TMEM184B: variants seen among roughly 807,000 people sequenced by gnomAD.
The protein encoded by TMEM184B is transmembrane protein 184B.
TMEM184B carries 17 observed loss-of-function variants against 41.8 expected under a neutral mutation model. The ratio of observed to expected loss-of-function variants is 0.41; its 90% confidence interval spans 0.28 to 0.61. The LOEUF (loss-of-function observed/expected upper bound fraction) is 0.61. Ranked by LOEUF, TMEM184B falls within the 20% of genes least tolerant of loss-of-function variation. TMEM184B has a pLI of 0.34. For missense variants in TMEM184B, 393 were observed against 557.8 expected, an observed-to-expected ratio of 0.70 and a Z score of 2.98; for synonymous variants, 240 against 229.5, an observed-to-expected ratio of 1.05 and a Z score of -0.41.
chr22:38,225,073 A>T lies in TMEM184B; in HGVS notation c.788-94T>A. The T allele has an allele frequency of 4.4e-6, 6 of 1,371,662 alleles. No individual in the cohort carries two copies. The highest frequency in any genetic ancestry group is 5.8e-6 in the Non-Finnish European group (6 of 1,027,834). The allele number at this position is 1,371,662 out of a possible 1,614,324, so 85.0% of individuals were successfully genotyped here. A position where few individuals can be genotyped will look rare whatever the true frequency, so the allele number is the denominator to read the frequency against. On this transcript the variant is annotated intron_variant, in intron 7 of 8. Coordinates refer to ENST00000361906, the MANE Select transcript of TMEM184B (RefSeq NM_012264.5). The surrounding 1 kb of genome is among the most constrained non-coding windows in gnomAD (Gnocchi z 4.4). ...CCCCATTCAGCTGCCCACATGCCCC[A>T]GTGAGGATGTGAGCAGGGCCACAGC...
In TMEM184B at chr22:38,220,290, G is replaced by A. The variant is rs759877704; in HGVS notation, c.*1179C>T. ...AAGGGCTCTGGGCCCAGCACTGCAG[G>A]ATCCTGCGAGTGCCAGCAGCTGAAC... On this transcript the variant is annotated 3_prime_UTR_variant, in exon 9 of 9. Transcript: ENST00000361906. The A allele has an allele frequency of 1.5e-4, 148 of 985,950 alleles. 1 individual carries two copies. Among genetic ancestry groups the A allele is most frequent in the Admixed American group, 2.5e-4 (4 of 16,270 alleles). The allele number at this position is 985,950 out of a possible 1,614,324, so 61.1% of individuals were successfully genotyped here. A position where few individuals can be genotyped will look rare whatever the true frequency, so the allele number is the denominator to read the frequency against.
intron 3 of TMEM184B, among the ~76,000 whole-genome samples, chr22:38,241,467 C>A (rs1354847351): frequency 3.4e-5 from 5 of 147,332 alleles, no homozygotes; most frequent in Non-Finnish European, 7.4e-5. Flanking sequence ...GCGCAAGGAT[C>A]ATTTGAGCCC....
At chr22:38,271,793 C>T (rs916068294) in intron 1 of TMEM184B, among the ~76,000 whole-genome samples, 1 of 152,186 alleles carries the variant, frequency 6.6e-6, no homozygotes. Context: ...AACTCTGATA[C>T]GCACAGCACC....
At position 38,239,112 on chromosome 22, in the gene TMEM184B, C is replaced by T. The variant is rs1440183962; in HGVS notation, c.358+6823G>A. The stretch of plus-strand genomic sequence containing the variant: ...CTGTCTCAGAGTTGTCTTTATGGCC[C>T]ACCCCCAACCCCACAATCAAACACT... On this transcript the variant is annotated intron_variant, in intron 3 of 8. Coordinates refer to ENST00000361906, the MANE Select transcript of TMEM184B (RefSeq NM_012264.5). The surrounding 1 kb of genome is among the most constrained non-coding windows in gnomAD (Gnocchi z 4.6). Among the ~76,000 whole-genome samples, 1 of 152,204 alleles carries T rather than the reference C, an allele frequency of 6.6e-6. No homozygotes were observed.
At chr22:38,235,738 A>G (rs890943177) in intron 3 of TMEM184B, among the ~76,000 whole-genome samples, 12 of 152,374 alleles carry the variant, frequency 7.9e-5, no homozygotes, top group Middle Eastern at 3.4e-3. Context: ...GTACAGAGCC[A>G]TGTGAAACAC....
intron 1 of TMEM184B, among the ~76,000 whole-genome samples, chr22:38,253,818 T>C (rs1487575347): frequency 2.6e-5 from 4 of 152,158 alleles, no homozygotes; most frequent in Admixed American, 6.5e-5. Context: ...TTATGCACTA[T>C]GAATAAACAA....
At chr22:38,228,572 A>G (rs941126740) in intron 5 of TMEM184B, among the ~76,000 whole-genome samples, 2 of 152,054 alleles carry the variant, frequency 1.3e-5, no homozygotes, top group Non-Finnish European at 1.5e-5. Flanking sequence ...AACTTCTCCT[A>G]TGGGCTAGGG....
Position 38,226,480 on chromosome 22 carries a change from G to A in TMEM184B, c.617+299C>T. On this transcript the variant is annotated intron_variant, in intron 6 of 8. Transcript: ENST00000361906. The surrounding 1 kb of genome is among the most constrained non-coding windows in gnomAD (Gnocchi z 4.6). Reference sequence around the variant, plus strand: ...ACTTGAGCCGACCTCTTGGGGCTCTGACCCTCTCGCTCCCTGCCTCAGCAG... The same window carrying A: ...ACTTGAGCCGACCTCTTGGGGCTCTAACCCTCTCGCTCCCTGCCTCAGCAG... 1 of 348,446 alleles carries A rather than the reference G, an allele frequency of 2.9e-6. No homozygotes were observed. Among genetic ancestry groups the A allele is most frequent in the Non-Finnish European group, 5.6e-6 (1 of 179,422 alleles). The allele number at this position is 348,446 out of a possible 1,614,324, so 21.6% of individuals were successfully genotyped here.
chr22:38,219,502 A>G lies in TMEM184B; in HGVS notation c.*1967T>C, dbSNP rs1257818453. On this transcript the variant is annotated 3_prime_UTR_variant, in exon 9 of 9. Coordinates refer to ENST00000361906, the MANE Select transcript of TMEM184B (RefSeq NM_012264.5). ...TTTTTCAAGTATTCTTTATGTACAA[A>G]GAGCTACTCTACCTGGAAAGAAAAT... The G allele has an allele frequency of 1.0e-6, 1 of 985,608 alleles. No homozygotes were observed. The highest frequency in any genetic ancestry group is 1.2e-6 in the Non-Finnish European group (1 of 829,876). 61.1% of individuals were successfully genotyped at this position (985,608 alleles called of 1,614,324 possible).
intron 3 of TMEM184B, 79 bp from the exon 4 acceptor site, chr22:38,231,413 GAGGTGAA>G: frequency 1.7e-6 from 2 of 1,157,632 alleles, no homozygotes; most frequent in African/African-American, 3.0e-5. Flanking sequence ...AACAGCAATG[GAGGTGAA>G]AGAGCCACAG....
At chr22:38,217,698 G>A (rs550057575), downstream of TMEM184B, among the ~76,000 whole-genome samples, 3 of 151,308 alleles carry the variant, frequency 2.0e-5, no homozygotes, top group South Asian at 6.3e-4. Context: ...GTGTGGTGGC[G>A]CATGTCTGTA....
rs1181861580 is a variant in TMEM184B, at chr22:38,225,178, T to G, written c.788-199A>C. Among the ~76,000 whole-genome samples, 1 of 152,048 alleles carries G rather than the reference T, an allele frequency of 6.6e-6. No individual in the cohort carries two copies. The highest frequency in any genetic ancestry group is 1.9e-4 in the East Asian group (1 of 5,172). On this transcript the variant is annotated intron_variant, in intron 7 of 8. Transcript: ENST00000361906. The surrounding 1 kb of genome is among the most constrained non-coding windows in gnomAD (Gnocchi z 4.4). The stretch of plus-strand genomic sequence containing the variant: ...TCTCCCAGCTCTTTGCCACCGAAAC[T>G]GAGATGCCAGCAATTACGCAGGGTC...
At chr22:38,269,869 G>C (rs903367036) in intron 1 of TMEM184B, among the ~76,000 whole-genome samples, 1 of 152,206 alleles carries the variant, frequency 6.6e-6, no homozygotes, top group Non-Finnish European at 1.5e-5. Context: ...GGGTCTAAAA[G>C]CGATGCCAGG....
intron 1 of TMEM184B, 24 bp from the exon 2 acceptor site, chr22:38,248,043 G>A: frequency 1.4e-6 from 2 of 1,475,260 alleles, no homozygotes; most frequent in Non-Finnish European, 9.0e-7. Flanking sequence ...ATTGCAATGT[G>A]AGTCTCCTCC....
At chr22:38,252,736 A>G (rs1053184878) in intron 1 of TMEM184B, among the ~76,000 whole-genome samples, 3 of 152,196 alleles carry the variant, frequency 2.0e-5, no homozygotes, top group Non-Finnish European at 1.5e-5. Flanking sequence ...AGACTCCACC[A>G]CGTGCAACCT....
Position 38,226,095 on chromosome 22 carries a change from T to TA in TMEM184B, c.618-503dup, listed in dbSNP as rs2091429950. ...TGGTCACTTTTTTTTTTTTTTTTTT[T>TA]AGATATGGAGTTTTGTTCTTGTCAC... On this transcript the variant is annotated intron_variant, in intron 6 of 8. Coordinates refer to ENST00000361906, the MANE Select transcript of TMEM184B (RefSeq NM_012264.5). This position sits in a 1 kb window ranked among gnomAD's most constrained non-coding sequence, Gnocchi z 4.6. Among the ~76,000 whole-genome samples the TA allele has an allele frequency of 6.6e-6, 1 of 150,906 alleles. No individual in the cohort carries two copies. The highest frequency in any genetic ancestry group is 2.4e-5 in the African/African-American group (1 of 41,060).
At chr22:38,248,725 T>C (rs894412599) in intron 1 of TMEM184B, among the ~76,000 whole-genome samples, 6 of 152,182 alleles carry the variant, frequency 3.9e-5, no homozygotes, top group Non-Finnish European at 5.9e-5. Context: ...TTTGGGACTA[T>C]ACAGGCAGCA....
intron 1 of TMEM184B, among the ~76,000 whole-genome samples, chr22:38,266,279 G>A (rs952995772): frequency 7.2e-5 from 11 of 152,262 alleles, no homozygotes; most frequent in South Asian, 2.1e-4. Flanking sequence ...TTCTCCTTCA[G>A]TCTTCATGGT....
At chr22:38,261,902 G>A (rs2092373651) in intron 1 of TMEM184B, among the ~76,000 whole-genome samples, 1 of 152,268 alleles carries the variant, frequency 6.6e-6, no homozygotes, top group Non-Finnish European at 1.5e-5. Flanking sequence ...TTTCATTCAT[G>A]CAAACACATT....
Sources: allele counts gnomAD v4.1 joint callset (sites outside exome capture counted in the v4.1 genomes callset), GRCh38; gene constraint gnomAD v4.1.1; non-coding constraint Gnocchi (gnomAD v3.1); transcripts MANE v1.5; gene names NCBI Gene and HGNC (gene_info 2026-07-23, HGNC 2026-07-21).